CENPW: variants seen among roughly 807,000 people sequenced by gnomAD.
The protein encoded by CENPW is centromere protein W.
CENPW carries 3 observed loss-of-function variants against 11.1 expected under a neutral mutation model. The ratio of observed to expected loss-of-function variants is 0.27; its 90% CI spans 0.12 to 0.70. The LOEUF is 0.70. CENPW is among the 30% of genes least tolerant of loss of function. The pLI is 0.77. For missense variants in CENPW, 100 were observed against 105.6 expected (o/e 0.95, Z 0.23); for synonymous variants, 38 against 42.0 (o/e 0.91, Z 0.37).
the CENPW span, among the ~76,000 whole-genome samples, chr6:126,416,700 G>A: frequency 6.6e-6 from 1 of 152,196 alleles, no homozygotes; most frequent in Non-Finnish European, 1.5e-5. Flanking sequence ...TCAAGCCTTG[G>A]CAGATTCCAT....
the CENPW span, among the ~76,000 whole-genome samples, chr6:126,376,035 A>G: frequency 1.3e-5 from 2 of 152,268 alleles, no homozygotes; most frequent in South Asian, 2.1e-4. Flanking sequence ...TCAAGGGAAT[A>G]TATCAATAAA....
At chr6:126,378,948 G>A in the CENPW span, among the ~76,000 whole-genome samples, 2 of 152,102 alleles carry the variant, frequency 1.3e-5, no homozygotes, top group African/African-American at 4.8e-5. Context: ...ACCTTCTATT[G>A]CATATAGGAA....
At chr6:126,430,769 G>T in the CENPW span, among the ~76,000 whole-genome samples, 1 of 151,996 alleles carries the variant, frequency 6.6e-6, no homozygotes, top group African/African-American at 2.4e-5. Context: ...GGCCAACATG[G>T]TGAAACCCCA....
rs1255208418 is a variant in CENPW, at chr6:126,340,160, C to T, written c.-114C>T. 1.0e-6 allele frequency: 1 copy of T among 980,854 alleles called. No homozygotes were observed. The highest frequency in any genetic ancestry group is 1.6e-6 in the Non-Finnish European group (1 of 644,078). 60.8% of individuals were successfully genotyped at this position (980,854 alleles called of 1,614,324 possible). A position where few individuals can be genotyped will look rare whatever the true frequency, so the allele number is the denominator to read the frequency against. The stretch of plus-strand genomic sequence containing the variant: ...GAACGTTCGGACTGAGGTTTTTCTG[C>T]CTGAAGAAGCGTCATACGGACCGGA... On this transcript the variant is annotated 5_prime_UTR_variant, in exon 1 of 3. Coordinates refer to ENST00000368328, the MANE Select transcript of CENPW (RefSeq NM_001012507.4).
the CENPW span, among the ~76,000 whole-genome samples, chr6:126,395,213 GT>G: frequency 6.6e-6 from 1 of 151,906 alleles, no homozygotes; most frequent in Non-Finnish European, 1.5e-5. Flanking sequence ...ATGCTTCATT[GT>G]TTTTTGTTCT....
chr6:126,354,674 G>T, the CENPW span, among the ~76,000 whole-genome samples: 1 of 152,074 alleles, frequency 6.6e-6, no homozygotes, highest in Non-Finnish European at 1.5e-5. Context: ...TGTCTCCGTG[G>T]TAAAATCATC....
At chr6:126,457,721 AC>A in the CENPW span, among the ~76,000 whole-genome samples, 2 of 151,398 alleles carry the variant, frequency 1.3e-5, no homozygotes, top group South Asian at 2.1e-4. Flanking sequence ...CACTAAAACC[AC>A]CGCTTGGTAT....
the CENPW span, among the ~76,000 whole-genome samples, chr6:126,435,453 T>C: frequency 6.6e-6 from 1 of 151,822 alleles, no homozygotes; most frequent in Non-Finnish European, 1.5e-5. Flanking sequence ...TCTGCCTTCC[T>C]GGTGGTCTAC....
At chr6:126,343,998 G>A (rs568762918) in intron 1 of CENPW, among the ~76,000 whole-genome samples, 16 of 152,304 alleles carry the variant, frequency 1.1e-4, no homozygotes, top group Non-Finnish European at 1.5e-4. Flanking sequence ...TAAGTCTTAA[G>A]ACAGTGTGGT....
At chr6:126,396,539 T>C in the CENPW span, among the ~76,000 whole-genome samples, 1 of 152,150 alleles carries the variant, frequency 6.6e-6, no homozygotes, top group Non-Finnish European at 1.5e-5. Context: ...CTTGGTCCTC[T>C]ATCACACTGT....
chr6:126,404,979 C>T, the CENPW span, among the ~76,000 whole-genome samples: 2 of 151,222 alleles, frequency 1.3e-5, no homozygotes, highest in Admixed American at 1.3e-4. Context: ...TGGACTGTTT[C>T]CTTTGCTGTG....
chr6:126,435,363 T>C, the CENPW span, among the ~76,000 whole-genome samples: 1 of 151,940 alleles, frequency 6.6e-6, no homozygotes, highest in Non-Finnish European at 1.5e-5. Context: ...TGTACATTTA[T>C]GGTGATATTA....
At chr6:126,357,261 G>A in the CENPW span, among the ~76,000 whole-genome samples, 1 of 152,026 alleles carries the variant, frequency 6.6e-6, no homozygotes, top group Non-Finnish European at 1.5e-5. Context: ...TTATTTCTGG[G>A]TTTTCTATTC....
chr6:126,390,840 A>G, the CENPW span, among the ~76,000 whole-genome samples: 3 of 152,126 alleles, frequency 2.0e-5, no homozygotes, highest in East Asian at 1.9e-4. Context: ...TCTATTGTGT[A>G]TATGTACCAC....
the CENPW span, among the ~76,000 whole-genome samples, chr6:126,409,185 A>G: frequency 6.6e-6 from 1 of 152,120 alleles, no homozygotes; most frequent in African/African-American, 2.4e-5. Flanking sequence ...TCATGAACTC[A>G]TTGGTTGTTC....
chr6:126,445,700 C>G, the CENPW span, among the ~76,000 whole-genome samples: 2 of 150,780 alleles, frequency 1.3e-5, no homozygotes, highest in Non-Finnish European at 3.0e-5. Context: ...TAATACATAT[C>G]TATGCAGTAT....
the CENPW span, among the ~76,000 whole-genome samples, chr6:126,366,690 C>T: frequency 6.6e-6 from 1 of 152,190 alleles, no homozygotes; most frequent in Non-Finnish European, 1.5e-5. Context: ...GACACTATCC[C>T]TGTACTTCAT....
At chr6:126,454,055 C>A in the CENPW span, among the ~76,000 whole-genome samples, 1 of 151,380 alleles carries the variant, frequency 6.6e-6, no homozygotes, top group Non-Finnish European at 1.5e-5. Context: ...AGCACAGGAG[C>A]ATCTAAATTC....
the CENPW span, among the ~76,000 whole-genome samples, chr6:126,357,384 T>C: frequency 6.6e-6 from 1 of 152,196 alleles, no homozygotes; most frequent in Middle Eastern, 3.2e-3. Context: ...CTTTGTTCTT[T>C]TTGCTTAGGG....
Sources: allele counts gnomAD v4.1 joint callset (sites outside exome capture counted in the v4.1 genomes callset), GRCh38; gene constraint gnomAD v4.1.1; transcripts MANE v1.5; gene names NCBI Gene and HGNC (gene_info 2026-07-23, HGNC 2026-07-21).